The following GNAL variants were observed in gnomAD, a reference collection of about 807,000 sequenced individuals.
GNAL encodes guanine nucleotide-binding protein G(olf) subunit alpha.
A neutral mutation model predicts 55.1 loss-of-function variants in GNAL; 18 were observed. The ratio of observed to expected loss-of-function variants is 0.33; its 90% confidence interval spans 0.23 to 0.48. GNAL has a LOEUF of 0.48. Ranked by LOEUF, GNAL falls within the 20% of genes least tolerant of loss-of-function variation. The pLI, the probability that GNAL is intolerant of heterozygous loss-of-function variation, is 0.99. For synonymous variants in GNAL, 253 were observed against 237.0 expected, an observed-to-expected ratio of 1.07 and a Z score of -0.62; for missense variants, 412 against 614.1, an observed-to-expected ratio of 0.67 and a Z score of 3.48.
At chr18:11,772,796 A>G (rs1406630602) in intron 4 of GNAL, among the ~76,000 whole-genome samples, 1 of 152,124 alleles carries the variant, frequency 6.6e-6, no homozygotes, top group Non-Finnish European at 1.5e-5. Flanking sequence ...TATTAGGTTG[A>G]ACTATTAAAA....
intron 5 of GNAL, among the ~76,000 whole-genome samples, chr18:11,856,869 T>G (rs928020992): frequency 6.6e-6 from 1 of 152,238 alleles, no homozygotes; most frequent in South Asian, 2.1e-4. Flanking sequence ...GAGGGGGAAG[T>G]TGCTGTGAGC....
At chr18:11,843,544 A>G (rs2035664527) in intron 5 of GNAL, among the ~76,000 whole-genome samples, 1 of 151,936 alleles carries the variant, frequency 6.6e-6, no homozygotes, top group South Asian at 2.1e-4. Context: ...TAAATAGATA[A>G]GAAGAAAAGA....
chr18:11,830,350 G>A (rs532398870), intron 5 of GNAL, among the ~76,000 whole-genome samples: 2 of 147,442 alleles, frequency 1.4e-5, no homozygotes, highest in East Asian at 2.0e-4. Context: ...GCAATGGCAC[G>A]ATCTTGGCTC....
intron 4 of GNAL, among the ~76,000 whole-genome samples, chr18:11,805,927 T>A (rs1418235574): frequency 1.3e-5 from 2 of 152,220 alleles, no homozygotes; most frequent in African/African-American, 2.4e-5. Flanking sequence ...ATCTCCATAC[T>A]GTTTTCCATA....
chr18:11,849,792 C>T (rs1163990168), intron 5 of GNAL, among the ~76,000 whole-genome samples: 4 of 152,200 alleles, frequency 2.6e-5, no homozygotes, highest in Non-Finnish European at 5.9e-5. Context: ...AAGCTGCTAA[C>T]TAGGGTAACA....
rs781340705 is a variant in GNAL at position 11,689,898 on chromosome 18, A to T, written c.335A>T (p.Gln112Leu). 3 of 1,477,238 alleles carry T rather than the reference A, an allele frequency of 2.0e-6. No individual in the cohort carries two copies. Among genetic ancestry groups the T allele is most frequent in the East Asian group, 5.8e-5 (2 of 34,342 alleles). The allele number at this position is 1,477,238 out of a possible 1,614,324, so 91.5% of individuals were successfully genotyped here. Residue 112 changes from glutamine (Q) to leucine (L), a missense_variant, in exon 1 of 12, where the codon CAG (glutamine) becomes CTG (leucine). Transcript: ENST00000334049. ...GGCATCGACCGCATGCTGCGCGACC[A>T]GAAGCGCGACCTGCAGCAGACGCAC... The part of the protein sequence containing the change: ...SRGIDRMLRD[Q>L]KRDLQQTHRL...
At chr18:11,853,835 A>G in intron 5 of GNAL, 4 of 166,584 alleles carry the variant, frequency 2.4e-5, no homozygotes. Context: ...CTTTTATTTT[A>G]TTTTTGAGAC....
intron 1 of GNAL, among the ~76,000 whole-genome samples, chr18:11,692,413 G>T (rs756373990): frequency 2.6e-5 from 4 of 152,154 alleles, no homozygotes; most frequent in African/African-American, 9.7e-5. Context: ...ACAGGGACGC[G>T]GGCTGAGCGG....
chr18:11,876,527 C>T, intron 10 of GNAL, 94 bp from the exon 11 acceptor site: 1 of 797,468 alleles, frequency 1.3e-6, no homozygotes, highest in Non-Finnish European at 2.2e-6. Flanking sequence ...TGGGAATATA[C>T]AGCAGTCTAA....
intron 1 of GNAL, among the ~76,000 whole-genome samples, chr18:11,715,913 C>G (rs1199200569): frequency 6.6e-6 from 1 of 151,786 alleles, no homozygotes; most frequent in African/African-American, 2.4e-5. Context: ...CATCACTGAT[C>G]ATTAGAGAAG....
chr18:11,741,428 G>A (rs2032572410), intron 1 of GNAL, among the ~76,000 whole-genome samples: 1 of 152,296 alleles, frequency 6.6e-6, no homozygotes, highest in South Asian at 2.1e-4. Flanking sequence ...AAAATGAAAT[G>A]ATGTTTTTTA....
chr18:11,854,504 G>C (rs1265094627), intron 5 of GNAL: 4 of 166,252 alleles, frequency 2.4e-5, no homozygotes, highest in Non-Finnish European at 4.4e-5. Context: ...AAGAATTGCG[G>C]GGCACAGTGG....
Position 11,752,674 on chromosome 18 carries a change from T to G in GNAL, c.377-179T>G, listed in dbSNP as rs990215552. ...CTGGGCGGGCAGGGCCGGGCGAGGG[T>G]CGCGCGCACCTCTGGGCCGCGGAGC... is the stretch of plus-strand genomic sequence containing the variant. On this transcript the variant is annotated intron_variant, in intron 1 of 11. Coordinates refer to ENST00000334049, the MANE Select transcript of GNAL (RefSeq NM_182978.4). The surrounding 1 kb of genome is among the most constrained non-coding windows in gnomAD (Gnocchi z 4.5). 3 of 1,276,514 alleles carry G rather than the reference T, an allele frequency of 2.4e-6. No individual in the cohort carries two copies. Among genetic ancestry groups the G allele is most frequent in the South Asian group, 3.7e-5 (2 of 54,276 alleles). The allele number at this position is 1,276,514 out of a possible 1,614,324, so 79.1% of individuals were successfully genotyped here. A position where few individuals can be genotyped will look rare whatever the true frequency, so the allele number is the denominator to read the frequency against.
chr18:11,716,202 T>G (rs909875832), intron 1 of GNAL, among the ~76,000 whole-genome samples: 14 of 152,242 alleles, frequency 9.2e-5, no homozygotes, highest in Non-Finnish European at 2.1e-4. Flanking sequence ...ATTGGTGGGT[T>G]CTTGGTCTCA....
intron 5 of GNAL, among the ~76,000 whole-genome samples, chr18:11,839,858 A>G (rs2035576383): frequency 6.6e-6 from 1 of 152,252 alleles, no homozygotes; most frequent in African/African-American, 2.4e-5. Context: ...GTGAACAATA[A>G]TAATGTGTTC....
chr18:11,883,158 A>G lies in GNAL; in HGVS notation c.*2023A>G, dbSNP rs2036754083. 1 of 134,486 alleles carries G rather than the reference A, an allele frequency of 7.4e-6. No individual in the cohort carries two copies. Among genetic ancestry groups the G allele is most frequent in the Non-Finnish European group, 1.5e-5 (1 of 66,378 alleles). The allele number at this position is 134,486 out of a possible 1,614,324, so 8.3% of individuals were successfully genotyped here. On this transcript the variant is annotated 3_prime_UTR_variant, in exon 12 of 12. Coordinates refer to ENST00000334049, the MANE Select transcript of GNAL (RefSeq NM_182978.4). ...AGATTTAAATGCTACTTTTTCATGA[A>G]GAAAGGATAACTTTATAGACAGTCA... is the stretch of plus-strand genomic sequence containing the variant.
At chr18:11,729,430 C>T (rs2032285519) in intron 1 of GNAL, among the ~76,000 whole-genome samples, 1 of 152,158 alleles carries the variant, frequency 6.6e-6, no homozygotes, top group Non-Finnish European at 1.5e-5. Flanking sequence ...CTCTCCCACA[C>T]TCCTAAGTAG....
chr18:11,703,236 G>A (rs12457181), intron 1 of GNAL, among the ~76,000 whole-genome samples: 71,062 of 152,234 alleles, frequency 0.47, 19,941 homozygotes, highest in Non-Finnish European at 0.61. Flanking sequence ...CAGATGCCAC[G>A]CAGAGCAAAT....
At chr18:11,773,356 G>A (rs551464688) in intron 4 of GNAL, among the ~76,000 whole-genome samples, 8 of 152,196 alleles carry the variant, frequency 5.3e-5, no homozygotes, top group Non-Finnish European at 1.0e-4. Flanking sequence ...TGTTGGAGCA[G>A]GAGATAAACG....
Sources: allele counts gnomAD v4.1 joint callset (sites outside exome capture counted in the v4.1 genomes callset), GRCh38; gene constraint gnomAD v4.1.1; non-coding constraint Gnocchi (gnomAD v3.1); transcripts MANE v1.5; gene names NCBI Gene and HGNC (gene_info 2026-07-23, HGNC 2026-07-21).